DTNB: variants seen among roughly 807,000 people sequenced by gnomAD.
DTNB encodes DTN-B.
In DTNB, 63 loss-of-function variants were observed where a neutral mutation model predicts 90.7. The observed-to-expected ratio is 0.69, with a 90% CI of 0.57 to 0.86. DTNB has a LOEUF of 0.86. DTNB is among the 40% of genes least tolerant of loss of function. The pLI, the probability that DTNB is intolerant of heterozygous loss-of-function variation, is 0.00. For synonymous variants in DTNB, 277 were observed against 286.7 expected (o/e 0.97, Z 0.34); for missense variants, 744 against 807.1 (o/e 0.92, Z 0.95).
chr2:25,433,880 T>TG, intron 13 of DTNB, 30 bp downstream of exon 13: 1 of 1,611,116 alleles, frequency 6.2e-7, no homozygotes, highest in East Asian at 2.2e-5. Context: ...TCCTGGACTC[T>TG]GGAAGTGGGC....
At chr2:25,649,132 G>A (rs2080236979) in intron 2 of DTNB, among the ~76,000 whole-genome samples, 1 of 151,174 alleles carries the variant, frequency 6.6e-6, no homozygotes, top group South Asian at 2.1e-4. Flanking sequence ...AGCCTCCCAA[G>A]TAGCTGGGAC....
intron 4 of DTNB, among the ~76,000 whole-genome samples, chr2:25,616,410 C>A (rs1422382444): frequency 2.0e-5 from 3 of 152,080 alleles, no homozygotes; most frequent in African/African-American, 7.2e-5. Flanking sequence ...CATCCTTATT[C>A]AAAATATCCT....
intron 8 of DTNB, among the ~76,000 whole-genome samples, chr2:25,571,868 T>C (rs1160833458): frequency 2.0e-5 from 3 of 152,118 alleles, no homozygotes; most frequent in Admixed American, 6.6e-5. Context: ...AAGCGATATA[T>C]ATATATATAA....
chr2:25,400,286 C>T (rs1008928494), intron 16 of DTNB, among the ~76,000 whole-genome samples: 2 of 152,212 alleles, frequency 1.3e-5, no homozygotes, highest in Non-Finnish European at 2.9e-5. Flanking sequence ...ACTTGATAGG[C>T]ACAGGCCAGA....
At chr2:25,381,109 G>A (rs1355737790) in intron 19 of DTNB, among the ~76,000 whole-genome samples, 1 of 152,254 alleles carries the variant, frequency 6.6e-6, no homozygotes, top group East Asian at 1.9e-4. Flanking sequence ...GGAGGGGCAG[G>A]TGAAGGGAGG....
chr2:25,632,192 CAAAAAAAA>C (rs71399307), intron 3 of DTNB, among the ~76,000 whole-genome samples: 2 of 76,884 alleles, frequency 2.6e-5, no homozygotes, highest in Admixed American at 3.1e-4. Flanking sequence ...GACTCTGTCT[CAAAAAAAA>C]AAAAAAAAAA....
At chr2:25,603,066 T>C (rs2066247946) in intron 5 of DTNB, among the ~76,000 whole-genome samples, 1 of 152,192 alleles carries the variant, frequency 6.6e-6, no homozygotes, top group Admixed American at 6.5e-5. Context: ...CTGATACATA[T>C]TGTTGAACTG....
chr2:25,435,489 C>T (rs2055428027), intron 12 of DTNB, among the ~76,000 whole-genome samples: 1 of 152,210 alleles, frequency 6.6e-6, no homozygotes, highest in Non-Finnish European at 1.5e-5. Context: ...TGGAGCCATA[C>T]AATATTGACC....
intron 12 of DTNB, 118 bp downstream of exon 12, chr2:25,451,430 T>A: frequency 9.3e-7 from 1 of 1,080,072 alleles, no homozygotes; most frequent in Non-Finnish European, 1.3e-6. Flanking sequence ...TGTGGAAAAG[T>A]GGAAAGTGTC....
At chr2:25,467,446 G>A (rs1284149101) in intron 10 of DTNB, among the ~76,000 whole-genome samples, 1 of 151,788 alleles carries the variant, frequency 6.6e-6, no homozygotes, top group Non-Finnish European at 1.5e-5. Context: ...CTACAGGCGG[G>A]TAACATCAGG....
chr2:25,533,152 G>A (rs971486289), intron 8 of DTNB, among the ~76,000 whole-genome samples: 2 of 151,822 alleles, frequency 1.3e-5, no homozygotes, highest in South Asian at 2.1e-4. Context: ...GGCGAAACCC[G>A]GTCTCTACAA....
intron 8 of DTNB, among the ~76,000 whole-genome samples, chr2:25,573,620 A>G (rs1268052993): frequency 6.6e-6 from 1 of 152,160 alleles, no homozygotes; most frequent in Admixed American, 6.5e-5. Context: ...ACAGTCTCAC[A>G]TTCTGATCTT....
chr2:25,404,210 G>A (rs1277744229), intron 16 of DTNB, among the ~76,000 whole-genome samples: 1 of 152,198 alleles, frequency 6.6e-6, no homozygotes, highest in East Asian at 1.9e-4. Flanking sequence ...AGTCAGGTAC[G>A]TATGCAACCA....
In DTNB at chr2:25,577,512, G is replaced by GA. The variant is rs78897868; in HGVS notation, c.710-509dup. Among the ~76,000 whole-genome samples, 120 of 127,780 alleles carry GA rather than the reference G, an allele frequency of 9.4e-4. 1 individual carries two copies. The highest frequency in any genetic ancestry group is 2.4e-3 in the African/African-American group (82 of 34,802). The allele number at this position is 127,780 out of a possible 152,430, so 83.8% of individuals were successfully genotyped here. ...TGCTAGTCTAACTAGCCATTTACTA[G>GA]AAAAAAAAAAAAGATTTAATACATC... On this transcript the variant is annotated intron_variant, in intron 7 of 20. Coordinates refer to ENST00000406818, the MANE Select transcript of DTNB (RefSeq NM_021907.5).
chr2:25,467,561 C>T (rs1353783915), intron 10 of DTNB, among the ~76,000 whole-genome samples: 1 of 152,134 alleles, frequency 6.6e-6, no homozygotes, highest in African/African-American at 2.4e-5. Context: ...ACCCTGACCT[C>T]CCAAAGTGCT....
chr2:25,428,813 C>T (rs1037911746), intron 14 of DTNB, among the ~76,000 whole-genome samples: 1 of 152,034 alleles, frequency 6.6e-6, no homozygotes, highest in African/African-American at 2.4e-5. Flanking sequence ...CAGTATTTAC[C>T]AAATATGCAA....
intron 12 of DTNB, among the ~76,000 whole-genome samples, chr2:25,443,407 A>G (rs1033824762): frequency 1.3e-5 from 2 of 152,224 alleles, no homozygotes; most frequent in African/African-American, 4.8e-5. Context: ...ATAATAAATA[A>G]GACCCCTTTG....
At chr2:25,521,943 C>T (rs1468234754) in intron 9 of DTNB, among the ~76,000 whole-genome samples, 1 of 151,790 alleles carries the variant, frequency 6.6e-6, no homozygotes, top group African/African-American at 2.4e-5. Context: ...TGAAGTTTTG[C>T]TTCCCCTCAG....
chr2:25,488,350 C>G (rs2066632554), intron 9 of DTNB, among the ~76,000 whole-genome samples: 1 of 152,066 alleles, frequency 6.6e-6, no homozygotes, highest in Non-Finnish European at 1.5e-5. Flanking sequence ...ACCTTGACTA[C>G]TGGGTGGTAA....
Sources: allele counts gnomAD v4.1 joint callset (sites outside exome capture counted in the v4.1 genomes callset), GRCh38; gene constraint gnomAD v4.1.1; transcripts MANE v1.5; gene names NCBI Gene and HGNC (gene_info 2026-07-23, HGNC 2026-07-21).